The following TPGS1 variants were observed in gnomAD, a reference collection of about 807,000 sequenced individuals.
TPGS1 encodes tubulin polyglutamylase complex subunit 1.
A neutral mutation model predicts 11.9 loss-of-function variants in TPGS1; 18 were observed. That is an observed-to-expected ratio of 1.51 (90% CI 1.04 to 2.24). The LOEUF is 2.24. Ranked by LOEUF, TPGS1 falls within the 30% of genes most tolerant of loss-of-function variation. TPGS1 has a pLI of 0.00. For missense variants in TPGS1, 500 were observed against 443.0 expected (o/e 1.13, Z -1.16); for synonymous variants, 247 against 218.2 (o/e 1.13, Z -1.16).
At position 518,925 on chromosome 19, in the gene TPGS1, GTGCC is replaced by G; in HGVS notation, c.378_381del (p.Cys126Ter). ...ACAACAACGTGAGCGTGGCCTACGA[GTGCC>G]TGAGCGCCGGCGGGCGCAGGAAGAG... On this transcript the variant is annotated frameshift_variant, in exon 2 of 2. Coordinates refer to ENST00000359315, the MANE Select transcript of TPGS1 (RefSeq NM_033513.3). LOFTEE classifies it high-confidence loss of function. The G allele has an allele frequency of 1.3e-6, 2 of 1,577,186 alleles. No homozygotes were observed. Among genetic ancestry groups the G allele is most frequent in the East Asian group, 4.6e-5 (2 of 43,818 alleles).
Position 507,501 on chromosome 19 carries a change from G to A in TPGS1, c.-6G>A. 2.8e-6 allele frequency: 4 copies of A among 1,408,142 alleles called. No individual in the cohort carries two copies. The highest frequency in any genetic ancestry group is 3.7e-6 in the Non-Finnish European group (4 of 1,077,636). 87.2% of individuals were successfully genotyped at this position (1,408,142 alleles called of 1,614,324 possible). On this transcript the variant is annotated 5_prime_UTR_variant, in exon 1 of 2. Coordinates refer to ENST00000359315, the MANE Select transcript of TPGS1 (RefSeq NM_033513.3). ...GGTGCTTCCGGTCCCGCTGCCCTCA[G>A]CGAAGATGGCGGCAGTGGAGAAGCG...
rs1280855528 is a variant in TPGS1 at position 518,939 on chromosome 19, G to C, written c.389G>C (p.Gly130Ala). The change falls in exon 2 of 2, where the codon GGC becomes GCC. Residue 130 changes from glycine to alanine, a missense_variant. Transcript: ENST00000359315. ...GTGGCCTACGAGTGCCTGAGCGCCG[G>C]CGGGCGCAGGAAGAGGCCGGGGCTG... ...VSVAYECLSAGGRRKRPGLDG... is the reference protein window; with the variant it reads ...VSVAYECLSAAGRRKRPGLDG... The C allele has an allele frequency of 6.3e-7, 1 of 1,581,002 alleles. No individual in the cohort carries two copies. Among genetic ancestry groups the C allele is most frequent in the South Asian group, 1.1e-5 (1 of 88,794 alleles).
In TPGS1 at chr19:513,274, A is replaced by G. The variant is rs568729676; in HGVS notation, c.338+5430A>G. On this transcript the variant is annotated intron_variant, in intron 1 of 1. Transcript: ENST00000359315. ...CCCAGCGCATTTTGGGGATGACCTC[A>G]TGGATGGTAAAAGCGCCCAGCGGAT... Among the ~76,000 whole-genome samples, 20 of 152,316 alleles carry G rather than the reference A, an allele frequency of 1.3e-4. No homozygotes were observed. In the East Asian group the frequency reaches 3.5e-3, roughly 26 times the overall value.
At chr19:512,858 T>C (rs1392874247) in intron 1 of TPGS1, among the ~76,000 whole-genome samples, 1 of 152,018 alleles carries the variant, frequency 6.6e-6, no homozygotes, top group Admixed American at 6.5e-5. Flanking sequence ...CCTGGGTGGG[T>C]TGCTGGCTCG....
At chr19:518,535 T>G (rs915020344) in intron 1 of TPGS1, among the ~76,000 whole-genome samples, 2 of 12,578 alleles carry the variant, frequency 1.6e-4, no homozygotes, top group Non-Finnish European at 2.8e-4. Flanking sequence ...TGGGGATGCT[T>G]GGGGGAGGGA....
rs1424745210 is a variant in TPGS1, at chr19:519,126, G to A, written c.576G>A (p.Leu192=). The change falls in exon 2 of 2, where the codon CTG becomes CTA. Residue 192 remains leucine (L), a synonymous_variant. Coordinates refer to ENST00000359315, the MANE Select transcript of TPGS1 (RefSeq NM_033513.3). The part of the protein sequence containing the change: ...RAGTLTCFVL[L]EFVARAGALF... ...GCACACTCACCTGCTTCGTGCTGCT[G>A]GAGTTCGTGGCGCGCGCCGGCGCGC... 2.0e-6 allele frequency: 3 copies of A among 1,523,034 alleles called. No homozygotes were observed. The highest frequency in any genetic ancestry group is 2.6e-5 in the East Asian group (1 of 38,866). The allele number at this position is 1,523,034 out of a possible 1,614,324, so 94.3% of individuals were successfully genotyped here. A position where few individuals can be genotyped will look rare whatever the true frequency, so the allele number is the denominator to read the frequency against.
In TPGS1 at chr19:518,864, G is replaced by A. The variant is rs570972596; in HGVS notation, c.339-25G>A. The A allele has an allele frequency of 6.7e-6, 10 of 1,487,716 alleles. No individual in the cohort carries two copies. In the South Asian group the frequency reaches 8.1e-5, roughly 12 times the overall value. The allele number at this position is 1,487,716 out of a possible 1,614,324, so 92.2% of individuals were successfully genotyped here. On this transcript the variant is annotated intron_variant, in intron 1 of 1. Coordinates refer to ENST00000359315, the MANE Select transcript of TPGS1 (RefSeq NM_033513.3). ...CTGGGTGGGCGCGCGGTCTCTGCCG[G>A]CCCCCAACGTCCCCGTCTCCGCAGG... is the stretch of plus-strand genomic sequence containing the variant.
Position 515,062 on chromosome 19 carries a change from G to A in TPGS1, c.339-3827G>A, listed in dbSNP as rs535689620. On this transcript the variant is annotated intron_variant, in intron 1 of 1. Transcript: ENST00000359315. ...CAGATAGTGAACATTTCAGCTTTGC[G>A]TGGCAGCCTCCATCCTGACATTCAG... Among the ~76,000 whole-genome samples the A allele has an allele frequency of 1.3e-4, 20 of 152,342 alleles. 1 individual carries two copies. The South Asian group carries it at 1.7e-3, about 13-fold the overall frequency.
Position 519,485 on chromosome 19 carries a change from G to A in TPGS1, c.*62G>A, listed in dbSNP as rs1318312881. ...GGGGTCCCCGCGTGCGGGGCGCGCG[G>A]AGCCTTCCCTTCGCCCTGGTGAGGC... On this transcript the variant is annotated 3_prime_UTR_variant, in exon 2 of 2. Transcript: ENST00000359315. The A allele has an allele frequency of 7.7e-6, 9 of 1,166,998 alleles. No individual in the cohort carries two copies. Among genetic ancestry groups the A allele is most frequent in the Non-Finnish European group, 9.5e-6 (9 of 944,094 alleles). 72.3% of individuals were successfully genotyped at this position (1,166,998 alleles called of 1,614,324 possible).
At chr19:510,618 G>A (rs1463874020) in intron 1 of TPGS1, among the ~76,000 whole-genome samples, 2 of 152,120 alleles carry the variant, frequency 1.3e-5, no homozygotes, top group Non-Finnish European at 2.9e-5. Flanking sequence ...CGTCTCCAAG[G>A]CCCCCTGGAG....
At chr19:508,120 G>T in intron 1 of TPGS1, 1 of 357,348 alleles carries the variant, frequency 2.8e-6, no homozygotes, top group Non-Finnish European at 5.0e-6. Flanking sequence ...GTTTCCCCTT[G>T]CAGTTCATGA....
intron 1 of TPGS1, among the ~76,000 whole-genome samples, chr19:516,045 A>AAGG: frequency 7.6e-6 from 1 of 131,218 alleles, no homozygotes; most frequent in South Asian, 2.6e-4. Flanking sequence ...AAAAAAAAAA[A>AAGG]AAGGAAGAAA....
At chr19:518,060 A>G (rs1600404902) in intron 1 of TPGS1, among the ~76,000 whole-genome samples, 5 of 48,112 alleles carry the variant, frequency 1.0e-4, no homozygotes, top group Non-Finnish European at 1.2e-4. Context: ...TGCTGGGAGG[A>G]GGAAGGCCTG....
At chr19:517,539 C>G (rs1342517706) in intron 1 of TPGS1, among the ~76,000 whole-genome samples, 1 of 590 alleles carries the variant, frequency 1.7e-3, no homozygotes, top group Non-Finnish European at 3.1e-3. Context: ...GCTGGGAGGA[C>G]GGAGGCCAGG....
chr19:514,282 CTACT>C, intron 1 of TPGS1, among the ~76,000 whole-genome samples: 1 of 151,892 alleles, frequency 6.6e-6, no homozygotes, highest in African/African-American at 2.4e-5. Flanking sequence ...CACTGAGCAC[CTACT>C]CTACACCGGC....
chr19:512,200 G>T (rs990640212), intron 1 of TPGS1, among the ~76,000 whole-genome samples: 19 of 152,052 alleles, frequency 1.2e-4, no homozygotes, highest in Admixed American at 1.0e-3. Flanking sequence ...GGGTCTTGCT[G>T]TCACGCAGCC....
rs554765595 is a variant in TPGS1, at chr19:510,806, CGAA to C, written c.338+2964_338+2966del. ...ACTGCCAGGAAAACGTGCACGAAAA[CGAA>C]GCCCCAGCTGATCTGGGCCAGGGTT... On this transcript the variant is annotated intron_variant, in intron 1 of 1. Coordinates refer to ENST00000359315, the MANE Select transcript of TPGS1 (RefSeq NM_033513.3). Among the ~76,000 whole-genome samples the C allele has an allele frequency of 5.1e-3, 783 of 152,340 alleles. 4 individuals carry two copies. Among genetic ancestry groups the C allele is most frequent in the Non-Finnish European group, 9.4e-3 (638 of 68,032 alleles).
At chr19:512,456 C>A (rs1978824664) in intron 1 of TPGS1, among the ~76,000 whole-genome samples, 1 of 152,154 alleles carries the variant, frequency 6.6e-6, no homozygotes. Flanking sequence ...AGCCACGGCA[C>A]CCCCACCCAC....
intron 1 of TPGS1, among the ~76,000 whole-genome samples, chr19:517,856 G>A (rs1408451133): frequency 1.7e-5 from 2 of 117,372 alleles, no homozygotes; most frequent in Non-Finnish European, 3.7e-5. Context: ...CGGGCTGGGC[G>A]GTGCTGGGAG....
Sources: allele counts gnomAD v4.1 joint callset (sites outside exome capture counted in the v4.1 genomes callset), GRCh38; gene constraint gnomAD v4.1.1; transcripts MANE v1.5; gene names NCBI Gene and HGNC (gene_info 2026-07-23, HGNC 2026-07-21).